PEAK1: variants seen among roughly 807,000 people sequenced by gnomAD.
PEAK1 encodes the protein pseudopodium enriched atypical kinase 1, also known as inactive tyrosine-protein kinase PEAK1.
PEAK1 carries 54 observed loss-of-function variants against 124.7 expected under a neutral mutation model. That is an observed-to-expected ratio of 0.43 (90% CI 0.35 to 0.54). The LOEUF is 0.54. PEAK1 is among the 20% of genes least tolerant of loss of function. PEAK1 has a pLI of 0.01. For missense variants in PEAK1, 2,046 were observed against 2,134.5 expected, an observed-to-expected ratio of 0.96 and a Z score of 0.82; for synonymous variants, 719 against 760.0, an observed-to-expected ratio of 0.95 and a Z score of 0.89.
rs1007164447 is a variant in PEAK1 at position 77,242,932 on chromosome 15, C to T, written c.-115+9435G>A. Among the ~76,000 whole-genome samples, 4 of 152,274 alleles carry T rather than the reference C, an allele frequency of 2.6e-5. No homozygotes were observed. The East Asian group carries it at 7.7e-4, about 29-fold the overall frequency. On this transcript the variant is annotated intron_variant, in intron 6 of 9. Coordinates refer to ENST00000682557, the MANE Select transcript of PEAK1 (RefSeq NM_001385026.1). ...TTACTCTACTTATGAAATGAAATCA[C>T]ATATATTAAATAAGAAACTATCAAA... is the stretch of plus-strand genomic sequence containing the variant.
intron 2 of PEAK1, among the ~76,000 whole-genome samples, chr15:77,351,381 T>C (rs2067199666): frequency 1.3e-5 from 2 of 152,068 alleles, no homozygotes; most frequent in African/African-American, 4.8e-5. Flanking sequence ...AAAGTAAGTA[T>C]GATCAGAATG....
intron 2 of PEAK1, among the ~76,000 whole-genome samples, chr15:77,300,686 C>G: frequency 6.6e-6 from 1 of 152,060 alleles, no homozygotes; most frequent in East Asian, 1.9e-4. Flanking sequence ...TTTTCTGTTT[C>G]AGGGTCCTAT....
At chr15:77,331,014 C>G in intron 2 of PEAK1, 2 of 904,082 alleles carry the variant, frequency 2.2e-6, no homozygotes, top group Non-Finnish European at 2.6e-6. Flanking sequence ...CTAAAATTTA[C>G]ACTCAACTTT....
intron 1 of PEAK1, among the ~76,000 whole-genome samples, chr15:77,384,918 C>A (rs973960583): frequency 1.3e-5 from 2 of 152,144 alleles, no homozygotes; most frequent in African/African-American, 4.8e-5. Context: ...CCAGCCCAGG[C>A]CTTTTTACAA....
chr15:77,367,233 A>C (rs1320661259), intron 1 of PEAK1, among the ~76,000 whole-genome samples: 1 of 152,198 alleles, frequency 6.6e-6, no homozygotes, highest in Admixed American at 6.5e-5. Context: ...CTTAATGACT[A>C]ACAGAAGAAA....
chr15:77,253,247 G>GA (rs942997336), intron 5 of PEAK1, among the ~76,000 whole-genome samples: 6 of 148,366 alleles, frequency 4.0e-5, no homozygotes, highest in Non-Finnish European at 9.0e-5. Flanking sequence ...GTATGCGTTG[G>GA]GGGGGGGGTG....
At position 77,133,064 on chromosome 15, in the gene PEAK1, C is replaced by T. The variant is rs1305740063; in HGVS notation, c.4018G>A (p.Asp1340Asn). The T allele has an allele frequency of 1.2e-6, 2 of 1,614,048 alleles. No homozygotes were observed. Among genetic ancestry groups the T allele is most frequent in the African/African-American group, 2.7e-5 (2 of 74,934 alleles). ...TSDKPCCEAG[D>N]AVYYTASYAK... ...TATGAAGCAGTATAGTAAACCGCATCACCTGCCTCACAACATGGTTTGTCA... is the reference window on the plus strand; with the variant it reads ...TATGAAGCAGTATAGTAAACCGCATTACCTGCCTCACAACATGGTTTGTCA... The change falls in exon 9 of 10, where the codon GAT (aspartate) becomes AAT (asparagine). Residue 1340 changes from aspartate to asparagine, a missense_variant. Transcript: ENST00000682557. This position sits in a 1 kb window ranked among gnomAD's most constrained non-coding sequence, Gnocchi z 4.2.
chr15:77,402,745 T>C (rs1245855152), intron 1 of PEAK1: 2 of 985,190 alleles, frequency 2.0e-6, no homozygotes, highest in African/African-American at 3.5e-5. Flanking sequence ...CAGGAAACAA[T>C]AAAGCAGACT....
intron 1 of PEAK1, among the ~76,000 whole-genome samples, chr15:77,378,703 T>C (rs1462422172): frequency 6.6e-6 from 1 of 152,074 alleles, no homozygotes; most frequent in Non-Finnish European, 1.5e-5. Context: ...CTTCAGAAAA[T>C]AGACATGTCA....
rs563593312 is a variant in PEAK1, at chr15:77,174,915, T to A, written c.3137+3875A>T. ...GTACCAAAACAGAGATATAGATCAA[T>A]GGAACAGAACAGAGCCCTCAGAAAT... On this transcript the variant is annotated intron_variant, in intron 7 of 9. Coordinates refer to ENST00000682557, the MANE Select transcript of PEAK1 (RefSeq NM_001385026.1). Among the ~76,000 whole-genome samples, 1,156 of 151,970 alleles carry A rather than the reference T, an allele frequency of 7.6e-3. 15 individuals carry two copies. The highest frequency in any genetic ancestry group is 0.027 in the African/African-American group (1,103 of 41,400).
chr15:77,382,910 A>T (rs1314551103), intron 1 of PEAK1, among the ~76,000 whole-genome samples: 1 of 152,210 alleles, frequency 6.6e-6, no homozygotes, highest in Non-Finnish European at 1.5e-5. Flanking sequence ...ACTAAAACAA[A>T]GGAAAAAATA....
chr15:77,351,963 A>G (rs1270704437), intron 2 of PEAK1: 1 of 984,526 alleles, frequency 1.0e-6, no homozygotes, highest in African/African-American at 1.7e-5. Context: ...GCTCATGCCT[A>G]TAATACCAGC....
intron 6 of PEAK1, among the ~76,000 whole-genome samples, chr15:77,214,454 A>G (rs1180870632): frequency 6.6e-6 from 1 of 150,498 alleles, no homozygotes; most frequent in Non-Finnish European, 1.5e-5. Context: ...GTCTCTACTA[A>G]AAATACAAAA....
intron 2 of PEAK1, among the ~76,000 whole-genome samples, chr15:77,311,521 C>T (rs1479947676): frequency 6.6e-6 from 1 of 151,470 alleles, no homozygotes; most frequent in East Asian, 1.9e-4. Context: ...ACTAAAAATA[C>T]AAAAATTAGG....
intron 5 of PEAK1, among the ~76,000 whole-genome samples, chr15:77,260,256 T>A (rs2061371745): frequency 6.6e-6 from 1 of 152,178 alleles, no homozygotes; most frequent in Non-Finnish European, 1.5e-5. Flanking sequence ...AACAAACTAA[T>A]CTGTACTTAA....
chr15:77,134,026 A>C (rs1158389488), intron 8 of PEAK1, among the ~76,000 whole-genome samples: 2 of 152,162 alleles, frequency 1.3e-5, no homozygotes, highest in African/African-American at 4.8e-5. Context: ...TTCAAAAAGG[A>C]AACCAGATTC....
At chr15:77,282,860 C>T (rs2062740475) in intron 5 of PEAK1, among the ~76,000 whole-genome samples, 1 of 151,770 alleles carries the variant, frequency 6.6e-6, no homozygotes, top group Admixed American at 6.6e-5. Context: ...AAACAAAAAC[C>T]AAAAAATTAA....
At chr15:77,220,075 C>T (rs2059316763) in intron 6 of PEAK1, among the ~76,000 whole-genome samples, 1 of 151,950 alleles carries the variant, frequency 6.6e-6, no homozygotes, top group Admixed American at 6.6e-5. Context: ...GCAAAAGATA[C>T]TTTGTTTTTC....
chr15:77,222,376 T>C (rs896627279), intron 6 of PEAK1, among the ~76,000 whole-genome samples: 2 of 152,070 alleles, frequency 1.3e-5, no homozygotes, highest in African/African-American at 4.8e-5. Context: ...TATTAACTAT[T>C]AAATGCCTAC....
Sources: gnomAD v4.1 joint callset for allele counts (sites outside exome capture counted in the v4.1 genomes callset) on GRCh38, gnomAD v4.1.1 for gene constraint, Gnocchi (gnomAD v3.1) non-coding constraint, MANE v1.5 for transcripts, NCBI Gene and HGNC (gene_info 2026-07-23, HGNC 2026-07-21) for gene names.